CCDC91: variants seen among roughly 807,000 people sequenced by gnomAD.
CCDC91 encodes coiled-coil domain containing 91.
In CCDC91, 48 loss-of-function variants were observed where a neutral mutation model predicts 63.2. The ratio of observed to expected loss-of-function variants is 0.76; its 90% CI spans 0.60 to 0.97. CCDC91 has a LOEUF of 0.97. CCDC91 is among the 50% of genes least tolerant of loss of function. The pLI, the probability that CCDC91 is intolerant of heterozygous loss-of-function variation, is 0.00. For synonymous variants in CCDC91, 167 were observed against 165.8 expected (o/e 1.01, Z -0.06); for missense variants, 500 against 494.6 (o/e 1.01, Z -0.10).
chr12:28,303,651 T>C (rs1938331053), intron 3 of CCDC91, among the ~76,000 whole-genome samples: 2 of 152,184 alleles, frequency 1.3e-5, no homozygotes, highest in South Asian at 4.1e-4. Flanking sequence ...ATTTTAATGA[T>C]AATCTTTGAA....
intron 3 of CCDC91, among the ~76,000 whole-genome samples, chr12:28,261,887 A>C (rs1471815962): frequency 2.0e-5 from 3 of 151,904 alleles, no homozygotes; most frequent in Non-Finnish European, 2.9e-5. Context: ...CCCTTTGAAA[A>C]ATTAGATCTG....
chr12:28,403,001 G>A (rs989035516), intron 8 of CCDC91, among the ~76,000 whole-genome samples: 9 of 152,234 alleles, frequency 5.9e-5, no homozygotes, highest in Admixed American at 5.2e-4. Flanking sequence ...ATGCCACATC[G>A]TTGTCATGTA....
chr12:28,360,241 T>A (rs752477700), intron 6 of CCDC91, among the ~76,000 whole-genome samples: 6 of 152,140 alleles, frequency 3.9e-5, no homozygotes, highest in Non-Finnish European at 5.9e-5. Context: ...ATGTTGATAA[T>A]GAAATGGAAC....
chr12:28,518,888 A>C (rs1285126036), intron 12 of CCDC91, among the ~76,000 whole-genome samples: 1 of 152,072 alleles, frequency 6.6e-6, no homozygotes, highest in Non-Finnish European at 1.5e-5. Flanking sequence ...CAATTATCCC[A>C]GCACCATTTG....
At chr12:28,302,642 G>A in intron 3 of CCDC91, 1 of 984,880 alleles carries the variant, frequency 1.0e-6, no homozygotes, top group Non-Finnish European at 1.2e-6. Flanking sequence ...GTAGTATGGT[G>A]TGACTGGAGT....
intron 7 of CCDC91, among the ~76,000 whole-genome samples, chr12:28,372,670 C>G (rs371638154): frequency 1.3e-4 from 19 of 151,986 alleles, no homozygotes; most frequent in African/African-American, 4.3e-4. Context: ...GATGTGTGTA[C>G]ATTGATTTTG....
At chr12:28,388,916 A>T (rs1945772242) in intron 7 of CCDC91, among the ~76,000 whole-genome samples, 1 of 152,218 alleles carries the variant, frequency 6.6e-6, no homozygotes, top group Non-Finnish European at 1.5e-5. Flanking sequence ...GAAAGATAAC[A>T]TTGAAGAAAC....
At chr12:28,541,816 A>C (rs1260902422) in intron 12 of CCDC91, among the ~76,000 whole-genome samples, 2 of 152,110 alleles carry the variant, frequency 1.3e-5, no homozygotes, top group African/African-American at 2.4e-5. Context: ...GCCTTGCCGG[A>C]ATCAATTCAT....
In CCDC91 at chr12:28,385,907, C is replaced by T. The variant is rs543966498; in HGVS notation, c.655-5397C>T. 5.9e-5 allele frequency among the ~76,000 whole-genome samples: 9 copies of T among 152,280 alleles called. No individual in the cohort carries two copies. In the South Asian group the frequency reaches 1.7e-3, roughly 28 times the overall value. On this transcript the variant is annotated intron_variant, in intron 7 of 12. Coordinates refer to ENST00000536442, the MANE Select transcript of CCDC91 (RefSeq NM_018318.5). ...CAATCAGTTCCACTAAAGAAATACA[C>T]ATCTAATTCTCACGTGTATTAACAG...
At chr12:28,435,186 T>G (rs1948840069) in intron 8 of CCDC91, among the ~76,000 whole-genome samples, 1 of 151,776 alleles carries the variant, frequency 6.6e-6, no homozygotes, top group Non-Finnish European at 1.5e-5. Flanking sequence ...TTACTTTAAT[T>G]TGCTCCTCTT....
At chr12:28,219,210 G>A (rs10843138) in intron 1 of CCDC91, among the ~76,000 whole-genome samples, 39,668 of 151,838 alleles carry the variant, frequency 0.26, 5,455 homozygotes, top group Non-Finnish European at 0.31. Flanking sequence ...GATGTTGTAC[G>A]TCTTTTCATG....
Position 28,403,346 on chromosome 12 carries a change from G to T in CCDC91, c.762+11935G>T, listed in dbSNP as rs1217930808. ...TGTAACAAAATACTATAAACTGGTG[G>T]CTTGTAAACAATAGAAATTTACTTC... On this transcript the variant is annotated intron_variant, in intron 8 of 12. Transcript: ENST00000536442. Among the ~76,000 whole-genome samples the T allele has an allele frequency of 2.0e-5, 3 of 152,048 alleles. No individual in the cohort carries two copies. The East Asian group carries it at 5.8e-4, about 29-fold the overall frequency.
intron 12 of CCDC91, among the ~76,000 whole-genome samples, chr12:28,485,441 C>G (rs1432035641): frequency 6.8e-6 from 1 of 147,818 alleles, no homozygotes; most frequent in Non-Finnish European, 1.5e-5. Context: ...GCCAGGAATA[C>G]AGGCATGAGC....
At chr12:28,416,782 G>A (rs1484366681) in intron 8 of CCDC91, among the ~76,000 whole-genome samples, 1 of 152,114 alleles carries the variant, frequency 6.6e-6, no homozygotes, top group East Asian at 1.9e-4. Context: ...GAGTCTGACT[G>A]AAGATTTTGG....
intron 12 of CCDC91, among the ~76,000 whole-genome samples, chr12:28,502,289 C>T (rs1938018616): frequency 6.6e-6 from 1 of 151,888 alleles, no homozygotes. Flanking sequence ...ACACCAATAA[C>T]AGACAAACAG....
At chr12:28,321,277 T>A (rs1471037737) in intron 6 of CCDC91, among the ~76,000 whole-genome samples, 1 of 151,892 alleles carries the variant, frequency 6.6e-6, no homozygotes, top group Non-Finnish European at 1.5e-5. Context: ...AAAACTTAGC[T>A]GAATCATACT....
intron 12 of CCDC91, among the ~76,000 whole-genome samples, chr12:28,501,027 T>A (rs1937769321): frequency 6.6e-6 from 1 of 151,772 alleles, no homozygotes; most frequent in South Asian, 2.1e-4. Flanking sequence ...GTTACCACCA[T>A]TTGCTGAAGA....
At chr12:28,340,767 T>C (rs1252822397) in intron 6 of CCDC91, among the ~76,000 whole-genome samples, 1 of 152,176 alleles carries the variant, frequency 6.6e-6, no homozygotes, top group Non-Finnish European at 1.5e-5. Context: ...TGGGTGTGTG[T>C]TATCATGTGC....
chr12:28,467,906 T>A (rs537845169), intron 11 of CCDC91, among the ~76,000 whole-genome samples: 11 of 152,030 alleles, frequency 7.2e-5, no homozygotes, highest in Admixed American at 3.3e-4. Context: ...AAGCATATTA[T>A]GGAAACGCAA....
Sources: gnomAD v4.1 joint callset for allele counts (sites outside exome capture counted in the v4.1 genomes callset) on GRCh38, gnomAD v4.1.1 for gene constraint, MANE v1.5 for transcripts, NCBI Gene and HGNC (gene_info 2026-07-23, HGNC 2026-07-21) for gene names.